Variants in EGFR observed in about 807,000 individuals in gnomAD.
EGFR encodes the protein avian erythroblastic leukemia viral (v-erb-b) oncogene homolog.
A neutral mutation model predicts 143.0 loss-of-function variants in EGFR; 58 were observed. The observed-to-expected ratio is 0.41, with a 90% CI of 0.33 to 0.50. EGFR has a LOEUF of 0.50. Ranked by LOEUF, EGFR falls within the 20% of genes least tolerant of loss-of-function variation. The probability of loss-of-function intolerance (pLI) is 0.39; values close to 1 mark genes in which losing one functional copy is unlikely to be tolerated. For synonymous variants in EGFR, 613 were observed against 594.4 expected, an observed-to-expected ratio of 1.03 and a Z score of -0.45; for missense variants, 1,307 against 1,579.0, an observed-to-expected ratio of 0.83 and a Z score of 2.92.
intron 10 of EGFR, 180 bp downstream of exon 10, chr7:55,157,012 T>C: frequency 6.9e-7 from 1 of 1,439,760 alleles, no homozygotes; most frequent in African/African-American, 1.4e-5. Context: ...AGGGGACACG[T>C]TAAGTCCAGG....
chr7:55,064,101 T>C (rs1233331802), intron 1 of EGFR, among the ~76,000 whole-genome samples: 1 of 152,210 alleles, frequency 6.6e-6, no homozygotes, highest in African/African-American at 2.4e-5. Flanking sequence ...ATTTTTGATA[T>C]ACAAAATAAT....
At chr7:55,108,973 A>C (rs997039898) in intron 1 of EGFR, among the ~76,000 whole-genome samples, 1 of 152,320 alleles carries the variant, frequency 6.6e-6, no homozygotes, top group African/African-American at 2.4e-5. Flanking sequence ...CTATGTAAAC[A>C]TATAAATCAG....
intron 1 of EGFR, among the ~76,000 whole-genome samples, chr7:55,028,025 T>TAC (rs5884398): frequency 2.5e-4 from 25 of 101,630 alleles, no homozygotes; most frequent in African/African-American, 3.9e-4. Context: ...TATATATATA[T>TAC]ACACACACAC....
At position 55,205,403 on chromosome 7, in the gene EGFR, A is replaced by C. The variant is rs1788069498; in HGVS notation, c.3419A>C (p.Asn1140Thr). 2 of 1,614,120 alleles carry C rather than the reference A, an allele frequency of 1.2e-6. No homozygotes were observed. Among genetic ancestry groups the C allele is most frequent in the Non-Finnish European group, 1.7e-6 (2 of 1,180,006 alleles). ...STAVGNPEYLNTVQPTCVNST... is the reference protein window; with the variant it reads ...STAVGNPEYLTTVQPTCVNST... ...GCAGTGGGCAACCCCGAGTATCTCA[A>C]CACTGTCCAGCCCACCTGTGTCAAC... Residue 1140 changes from asparagine to threonine, a missense_variant, in exon 28 of 28, where the codon AAC (asparagine) becomes ACC (threonine). By Grantham distance (65) the Asn-to-Thr change is moderately conservative. This residue lies in a region of EGFR where 313 missense variants were observed against 312.3 expected (regional missense o/e 1.00). Coordinates refer to ENST00000275493, the MANE Select transcript of EGFR (RefSeq NM_005228.5).
At chr7:55,161,969 T>C (rs1488551896) in intron 13 of EGFR, among the ~76,000 whole-genome samples, 1 of 152,238 alleles carries the variant, frequency 6.6e-6, no homozygotes, top group Admixed American at 6.5e-5. Context: ...GCCAACACCG[T>C]GGCCATTTGG....
chr7:55,194,607 A>G (rs1415768095), intron 22 of EGFR, among the ~76,000 whole-genome samples: 2 of 152,170 alleles, frequency 1.3e-5, no homozygotes, highest in African/African-American at 4.8e-5. Flanking sequence ...TTGCTGGGCC[A>G]TCTGGCCCTG....
At position 55,209,898 on chromosome 7, in the gene EGFR, A is replaced by G. The variant is rs757474633; in HGVS notation, c.*4281A>G. Reference sequence around the variant, plus strand: ...ATTTGAAACTGAAATCTTTGTTTAAAAGGGTTAAGTTGAGGCAAGAGGAAA... The same window carrying G: ...ATTTGAAACTGAAATCTTTGTTTAAGAGGGTTAAGTTGAGGCAAGAGGAAA... On this transcript the variant is annotated 3_prime_UTR_variant, in exon 28 of 28. Coordinates refer to ENST00000275493, the MANE Select transcript of EGFR (RefSeq NM_005228.5). 4 of 152,248 alleles carry G rather than the reference A, an allele frequency of 2.6e-5. No individual in the cohort carries two copies. The highest frequency in any genetic ancestry group is 5.9e-5 in the Non-Finnish European group (4 of 68,038). 9.4% of individuals were successfully genotyped at this position (152,248 alleles called of 1,614,324 possible).
intron 1 of EGFR, among the ~76,000 whole-genome samples, chr7:55,040,068 G>A (rs1787814157): frequency 6.6e-6 from 1 of 152,162 alleles, no homozygotes; most frequent in African/African-American, 2.4e-5. Flanking sequence ...GAAAGCCACT[G>A]TGCTTTGCTG....
intron 1 of EGFR, among the ~76,000 whole-genome samples, chr7:55,129,991 T>A (rs1793741183): frequency 6.6e-6 from 1 of 152,216 alleles, no homozygotes; most frequent in Non-Finnish European, 1.5e-5. Flanking sequence ...CTATATGTAT[T>A]TGCTTACAGT....
chr7:55,050,962 C>G (rs1350827598), intron 1 of EGFR, among the ~76,000 whole-genome samples: 1 of 152,200 alleles, frequency 6.6e-6, no homozygotes, highest in Non-Finnish European at 1.5e-5. Context: ...CACAGCTGTC[C>G]TGCGGTGGGC....
At chr7:55,061,649 T>TGTGTGTGAGAGAGAGA (rs1432070752) in intron 1 of EGFR, among the ~76,000 whole-genome samples, 9 of 132,734 alleles carry the variant, frequency 6.8e-5, no homozygotes, top group Non-Finnish European at 9.6e-5. Context: ...TGTGTGTGTG[T>TGTGTGTGAGAGAGAGA]GAGAGAGAGA....
chr7:55,157,613 A>G (rs1244629606), intron 10 of EGFR, 50 bp from the exon 11 acceptor site: 3 of 1,526,212 alleles, frequency 2.0e-6, no homozygotes, highest in Non-Finnish European at 2.7e-6. Context: ...CTCATACAAA[A>G]AAGAAACTCC....
chr7:55,156,387 C>A, intron 8 of EGFR, 146 bp from the exon 9 acceptor site: 1 of 1,186,658 alleles, frequency 8.4e-7, no homozygotes, highest in Non-Finnish European at 1.2e-6. Context: ...CCAGCCCCTT[C>A]AGTGTTTGTT....
At position 55,146,753 on chromosome 7, in the gene EGFR, T is replaced by A. The variant is rs776979310; in HGVS notation, c.559+13T>A. 3 of 1,614,156 alleles carry A rather than the reference T, an allele frequency of 1.9e-6. No homozygotes were observed. Among genetic ancestry groups the A allele is most frequent in the South Asian group, 2.2e-5 (2 of 91,068 alleles). On this transcript the variant is annotated intron_variant, in intron 4 of 27. Transcript: ENST00000275493. ...CACCTGGGCAGCTGTAAGTGTCGCA[T>A]ACACACTATCTCTGCCTCCAGCTCC...
chr7:55,154,555 C>T, intron 7 of EGFR, among the ~76,000 whole-genome samples: 1 of 152,262 alleles, frequency 6.6e-6, no homozygotes, highest in East Asian at 1.9e-4. Context: ...ACACCGAAAT[C>T]AGAGAGTCTA....
At position 55,038,061 on chromosome 7, in the gene EGFR, G is replaced by A. The variant is rs113905278; in HGVS notation, c.88+18696G>A. Among the ~76,000 whole-genome samples, 649 of 152,298 alleles carry A rather than the reference G, an allele frequency of 4.3e-3. 7 individuals carry two copies. The highest frequency in any genetic ancestry group is 0.015 in the African/African-American group (630 of 41,546). On this transcript the variant is annotated intron_variant, in intron 1 of 27. Coordinates refer to ENST00000275493, the MANE Select transcript of EGFR (RefSeq NM_005228.5). Reference sequence around the variant, plus strand: ...CCTAAAACACTTACGACTGCAGATAGGGGGAGGTTTTTCAAAACCTTGGTC... The same window carrying A: ...CCTAAAACACTTACGACTGCAGATAAGGGGAGGTTTTTCAAAACCTTGGTC...
At chr7:55,178,471 C>T (rs901009824) in intron 19 of EGFR, among the ~76,000 whole-genome samples, 3 of 152,196 alleles carry the variant, frequency 2.0e-5, no homozygotes, top group Non-Finnish European at 4.4e-5. Context: ...CCTGGGGCGC[C>T]TCCGACCCAT....
At chr7:55,179,664 G>A (rs1215204259) in intron 19 of EGFR, 3 of 152,200 alleles carry the variant, frequency 2.0e-5, no homozygotes, top group Admixed American at 6.5e-5. Context: ...TTGTATTTTA[G>A]TAAATATTTA....
intron 1 of EGFR, among the ~76,000 whole-genome samples, chr7:55,093,420 A>G (rs996261390): frequency 1.3e-5 from 2 of 152,354 alleles, no homozygotes; most frequent in Non-Finnish European, 2.9e-5. Flanking sequence ...ATAGCCAAAA[A>G]TCAGTATCGT....
Sources: allele counts gnomAD v4.1 joint callset (sites outside exome capture counted in the v4.1 genomes callset), GRCh38; gene constraint gnomAD v4.1.1; regional missense constraint gnomAD v4.1.1; transcripts MANE v1.5; gene names NCBI Gene and HGNC (gene_info 2026-07-23, HGNC 2026-07-21).